The following LHFPL5 variants were observed in gnomAD, a reference collection of about 807,000 sequenced individuals.
LHFPL5 encodes LHFPL tetraspan subfamily member 5 protein.
Under a neutral mutation model 18.7 loss-of-function variants are expected in LHFPL5, and 12 were observed. The observed-to-expected ratio is 0.64, with a 90% CI of 0.41 to 1.04. The LOEUF (loss-of-function observed/expected upper bound fraction) is 1.04. Ranked by LOEUF, LHFPL5 falls within the 50% of genes least tolerant of loss-of-function variation. The pLI, the probability that LHFPL5 is intolerant of heterozygous loss-of-function variation, is 0.00. For missense variants in LHFPL5, 259 were observed against 292.1 expected (o/e 0.89, Z 0.83); for synonymous variants, 111 against 120.2 (o/e 0.92, Z 0.50).
chr6:35,820,642 G>A (rs993236448), intron 3 of LHFPL5, among the ~76,000 whole-genome samples: 7 of 151,966 alleles, frequency 4.6e-5, no homozygotes, highest in African/African-American at 1.7e-4. Flanking sequence ...GGAGCTTGCA[G>A]TGAGCTGAGA....
chr6:35,821,640 C>A (rs1768869652), intron 3 of LHFPL5, among the ~76,000 whole-genome samples: 1 of 151,866 alleles, frequency 6.6e-6, no homozygotes, highest in Non-Finnish European at 1.5e-5. Flanking sequence ...CGCCACCACA[C>A]CCGGCTAATT....
At position 35,814,634 on chromosome 6, in the gene LHFPL5, G is replaced by C. The variant is rs1237135203; in HGVS notation, c.501G>C (p.Lys167Asn). 5.6e-6 allele frequency: 9 copies of C among 1,614,072 alleles called. No homozygotes were observed. The highest frequency in any genetic ancestry group is 7.6e-6 in the Non-Finnish European group (9 of 1,180,050). The change falls in exon 2 of 4, where the codon AAG (lysine) becomes AAC (asparagine). Residue 167 changes from lysine (K) to asparagine (N), a missense_variant. Physicochemically the swap from Lys to Asn is moderately conservative, Grantham distance 94. Coordinates refer to ENST00000360215, the MANE Select transcript of LHFPL5 (RefSeq NM_182548.4). This position sits in a 1 kb window ranked among gnomAD's most constrained non-coding sequence, Gnocchi z 4.2. ...GCATGTGTGGGGAGCAGACGGGCAA[G>C]TACACGCTGGGCCACTGCACCATCC... ...VRRMCGEQTG[K>N]YTLGHCTIRW...
chr6:35,815,720 A>G (rs6457858), intron 2 of LHFPL5, among the ~76,000 whole-genome samples: 45,268 of 152,028 alleles, frequency 0.3, 7,047 homozygotes, highest in South Asian at 0.42. Context: ...CCAAAAGGGA[A>G]AGTCACTCAG....
At chr6:35,816,526 G>A (rs1366129434) in intron 2 of LHFPL5, among the ~76,000 whole-genome samples, 1 of 152,058 alleles carries the variant, frequency 6.6e-6, no homozygotes, top group Non-Finnish European at 1.5e-5. Flanking sequence ...AAATGAACTA[G>A]TAGGGCTGGG....
intron 1 of LHFPL5, among the ~76,000 whole-genome samples, chr6:35,809,248 T>C (rs1212615147): frequency 6.6e-6 from 1 of 152,224 alleles, no homozygotes; most frequent in Non-Finnish European, 1.5e-5. Flanking sequence ...TAGTCAGTTT[T>C]ACTTAGTTCT....
In LHFPL5 at chr6:35,814,432, G is replaced by A. The variant is rs1768722642; in HGVS notation, c.413-114G>A. ...AGAGGCTGCCTCTCATGCCTCCTGAGGCTGTTAACAGAAGGAGAAGGGAGG... is the reference window on the plus strand; with the variant it reads ...AGAGGCTGCCTCTCATGCCTCCTGAAGCTGTTAACAGAAGGAGAAGGGAGG... On this transcript the variant is annotated intron_variant, in intron 1 of 3. Coordinates refer to ENST00000360215, the MANE Select transcript of LHFPL5 (RefSeq NM_182548.4). This position sits in a 1 kb window ranked among gnomAD's most constrained non-coding sequence, Gnocchi z 4.2. 4.6e-6 allele frequency: 4 copies of A among 872,034 alleles called. No individual in the cohort carries two copies. The highest frequency in any genetic ancestry group is 7.9e-6 in the Non-Finnish European group (4 of 507,870). The allele number at this position is 872,034 out of a possible 1,614,324, so 54.0% of individuals were successfully genotyped here.
intron 1 of LHFPL5, among the ~76,000 whole-genome samples, chr6:35,808,693 T>C (rs1456164081): frequency 6.6e-6 from 1 of 150,850 alleles, no homozygotes; most frequent in Non-Finnish European, 1.5e-5. Context: ...TTCTTCCCTA[T>C]CAGGGTTATG....
chr6:35,812,340 A>G (rs536729702), intron 1 of LHFPL5, among the ~76,000 whole-genome samples: 3 of 152,282 alleles, frequency 2.0e-5, no homozygotes, highest in Non-Finnish European at 4.4e-5. Context: ...TGAGTAGGGT[A>G]CAACCTTGGG....
chr6:35,818,253 T>C (rs1581974298), intron 2 of LHFPL5, among the ~76,000 whole-genome samples: 1 of 151,674 alleles, frequency 6.6e-6, no homozygotes, highest in South Asian at 2.1e-4. Context: ...GGGTTTCTTT[T>C]TGGGGTGATG....
intron 1 of LHFPL5, chr6:35,811,534 G>C (rs1053652032): frequency 3.9e-5 from 6 of 152,312 alleles, no homozygotes; most frequent in African/African-American, 1.4e-4. Context: ...ACCGTGGGTG[G>C]ATGGGTAGAG....
intron 1 of LHFPL5, among the ~76,000 whole-genome samples, chr6:35,813,904 C>G (rs1169034237): frequency 6.7e-6 from 1 of 149,194 alleles, no homozygotes; most frequent in African/African-American, 2.5e-5. Flanking sequence ...TCAAGCTACT[C>G]TCCTGCCTCA....
At chr6:35,806,899 C>T (rs530438102) in intron 1 of LHFPL5, among the ~76,000 whole-genome samples, 1 of 152,190 alleles carries the variant, frequency 6.6e-6, no homozygotes, top group Non-Finnish European at 1.5e-5. Context: ...TCTCAGCTGA[C>T]TGCAGCCTCA....
rs145830706 is a variant in LHFPL5 at position 35,814,140 on chromosome 6, C to G, written c.413-406C>G. Among the ~76,000 whole-genome samples, 1 of 152,154 alleles carries G rather than the reference C, an allele frequency of 6.6e-6. No individual in the cohort carries two copies. The highest frequency in any genetic ancestry group is 1.5e-5 in the Non-Finnish European group (1 of 68,014). ...GCTTATTTCACAGATGTTGTAAGTA[C>G]GAAGAAATGTACATCTCAGCAGTGA... On this transcript the variant is annotated intron_variant, in intron 1 of 3. Coordinates refer to ENST00000360215, the MANE Select transcript of LHFPL5 (RefSeq NM_182548.4). This position sits in a 1 kb window ranked among gnomAD's most constrained non-coding sequence, Gnocchi z 4.2.
At chr6:35,817,345 A>C (rs1257999789) in intron 2 of LHFPL5, among the ~76,000 whole-genome samples, 2 of 152,234 alleles carry the variant, frequency 1.3e-5, no homozygotes, top group African/African-American at 4.8e-5. Flanking sequence ...AAAAGAAAAA[A>C]ATAGATAAAT....
At chr6:35,815,481 G>C (rs1768743212) in intron 2 of LHFPL5, among the ~76,000 whole-genome samples, 1 of 152,054 alleles carries the variant, frequency 6.6e-6, no homozygotes, top group Non-Finnish European at 1.5e-5. Context: ...ATTTTTCAGA[G>C]CATAAATTTC....
chr6:35,808,564 CATATATATATATATATATATAT>C (rs56343421), intron 1 of LHFPL5, among the ~76,000 whole-genome samples: 34 of 87,260 alleles, frequency 3.9e-4, no homozygotes, highest in Admixed American at 8.4e-4. Flanking sequence ...TCATTTTATA[CATATATATATATATATATATAT>C]ATATATATAT....
chr6:35,820,404 AAAAAAG>A (rs1768843526), intron 3 of LHFPL5, among the ~76,000 whole-genome samples: 1 of 152,178 alleles, frequency 6.6e-6, no homozygotes, highest in African/African-American at 2.4e-5. Context: ...GAATGCATTT[AAAAAAG>A]AAAAAGAGGA....
At chr6:35,818,307 A>C (rs1042120032) in intron 2 of LHFPL5, among the ~76,000 whole-genome samples, 6 of 148,954 alleles carry the variant, frequency 4.0e-5, no homozygotes, top group Non-Finnish European at 5.9e-5. Flanking sequence ...AATCTAGTGA[A>C]TATACTAAAA....
At position 35,805,403 on chromosome 6, in the gene LHFPL5, G is replaced by A; in HGVS notation, c.-268G>A. ...GAGACGGGCAGGGCGGCGCCAGCAG[G>A]CCCTGGTGGGCTTGGGAGGAGGCAG... On this transcript the variant is annotated 5_prime_UTR_variant, in exon 1 of 4. Transcript: ENST00000360215. The surrounding 1 kb of genome is among the most constrained non-coding windows in gnomAD (Gnocchi z 4.3). The A allele has an allele frequency of 4.1e-6, 2 of 488,418 alleles. No homozygotes were observed. The highest frequency in any genetic ancestry group is 7.5e-6 in the Non-Finnish European group (2 of 267,972). 30.3% of individuals were successfully genotyped at this position (488,418 alleles called of 1,614,324 possible). A position where few individuals can be genotyped will look rare whatever the true frequency, so the allele number is the denominator to read the frequency against.
Sources: gnomAD v4.1 joint callset for allele counts (sites outside exome capture counted in the v4.1 genomes callset) on GRCh38, gnomAD v4.1.1 for gene constraint, Gnocchi (gnomAD v3.1) non-coding constraint, MANE v1.5 for transcripts, NCBI Gene and HGNC (gene_info 2026-07-23, HGNC 2026-07-21) for gene names.